PRUNE2: variants seen among roughly 807,000 people sequenced by gnomAD.
PRUNE2 encodes the protein protein prune homolog 2.
A neutral mutation model predicts 252.0 loss-of-function variants in PRUNE2; 164 were observed. That is an observed-to-expected ratio of 0.65 (90% CI 0.57 to 0.74). The LOEUF (loss-of-function observed/expected upper bound fraction) is 0.74, where lower values mean the gene tolerates loss of function less well. Ranked by LOEUF, PRUNE2 falls within the 30% of genes least tolerant of loss-of-function variation. PRUNE2 has a pLI of 0.00. For missense variants in PRUNE2, 3,495 were observed against 3,711.0 expected, an observed-to-expected ratio of 0.94 and a Z score of 1.51; for synonymous variants, 1,292 against 1,350.2, an observed-to-expected ratio of 0.96 and a Z score of 0.94.
Position 76,711,014 on chromosome 9 carries a change from A to G in PRUNE2, c.1260T>C (p.Asn420=), listed in dbSNP as rs1396997096. The G allele has an allele frequency of 4.3e-6, 7 of 1,613,916 alleles. No homozygotes were observed. The Admixed American group carries it at 8.3e-5, about 19-fold the overall frequency. The change falls in exon 8 of 19, where the codon AAT becomes AAC. Residue 420 remains asparagine (N), a synonymous_variant. Transcript: ENST00000376718. ...CGCTGTCTGGGCTAACAAGGTCTAC[A>G]TTGGCATCCACCTGAGCCTGGTTAG... The part of the protein sequence containing the change: ...NDSNQAQVDA[N]VDLVSPDSGL...
At chr9:76,860,210 T>A (rs1205362339) in intron 1 of PRUNE2, among the ~76,000 whole-genome samples, 1 of 152,244 alleles carries the variant, frequency 6.6e-6, no homozygotes, top group African/African-American at 2.4e-5. Context: ...ACTTAGGTTT[T>A]ACAATAGTGA....
chr9:76,893,346 T>C (rs1036387788), intron 1 of PRUNE2, among the ~76,000 whole-genome samples: 6 of 152,240 alleles, frequency 3.9e-5, no homozygotes, highest in African/African-American at 1.2e-4. Flanking sequence ...AACTCACAGT[T>C]ACACAACGAG....
intron 9 of PRUNE2, among the ~76,000 whole-genome samples, chr9:76,698,667 C>T (rs186795256): frequency 3.3e-5 from 5 of 152,082 alleles, no homozygotes; most frequent in African/African-American, 4.8e-5. Flanking sequence ...TCAACATTCA[C>T]GTGGATAAAA....
chr9:76,829,060 G>A (rs2132064264), intron 4 of PRUNE2, among the ~76,000 whole-genome samples: 1 of 151,420 alleles, frequency 6.6e-6, no homozygotes, highest in South Asian at 2.1e-4. Context: ...TAAGGCAATG[G>A]TAAATATGAA....
intron 6 of PRUNE2, among the ~76,000 whole-genome samples, chr9:76,729,280 ACACCTGGGCCC>A (rs2135389453): frequency 6.6e-6 from 1 of 152,126 alleles, no homozygotes; most frequent in East Asian, 1.9e-4. Context: ...AAAAATACGG[ACACCTGGGCCC>A]CACTTCTAGC....
intron 6 of PRUNE2, among the ~76,000 whole-genome samples, chr9:76,810,383 T>C (rs1379868856): frequency 1.3e-5 from 2 of 152,364 alleles, no homozygotes; most frequent in East Asian, 3.9e-4. Context: ...GCTACTATTA[T>C]GTTCATTTGC....
rs759647750 is a variant in PRUNE2, at chr9:76,708,887, G to A, written c.3387C>T (p.Ile1129=). ...AGTCCAAATCATTGTCCATATCTGA[G>A]ATCGTTGCAGTGGACTGAGTATCCT... ...ILEDTQSTAT[I]SDMDNDLDWD... is the part of the protein sequence containing the mutation. Residue 1129 remains isoleucine, a synonymous_variant, in exon 8 of 19, where the codon ATC becomes ATT. Coordinates refer to ENST00000376718, the MANE Select transcript of PRUNE2 (RefSeq NM_015225.3). The A allele has an allele frequency of 1.9e-5, 30 of 1,613,880 alleles. No homozygotes were observed. The highest frequency in any genetic ancestry group is 1.8e-4 in the Admixed American group (11 of 60,008).
intron 2 of PRUNE2, 69 bp from the exon 3 acceptor site, chr9:76,850,734 A>AG: frequency 8.5e-7 from 1 of 1,174,720 alleles, no homozygotes; most frequent in Non-Finnish European, 1.3e-6. Flanking sequence ...CATTTTCTCC[A>AG]GCCTGGGGGT....
intron 1 of PRUNE2, among the ~76,000 whole-genome samples, chr9:76,865,792 TC>T (rs1219769335): frequency 6.9e-6 from 1 of 143,916 alleles, no homozygotes; most frequent in African/African-American, 2.7e-5. Flanking sequence ...CCCTTCTTTC[TC>T]CCTCTCTCTC....
intron 6 of PRUNE2, among the ~76,000 whole-genome samples, chr9:76,718,547 C>G (rs1316873555): frequency 1.3e-5 from 2 of 152,200 alleles, no homozygotes; most frequent in African/African-American, 4.8e-5. Flanking sequence ...ATTCCTTCAC[C>G]TTCCTGACAC....
At chr9:76,838,337 T>C (rs2059179797) in intron 4 of PRUNE2, among the ~76,000 whole-genome samples, 1 of 151,946 alleles carries the variant, frequency 6.6e-6, no homozygotes, top group African/African-American at 2.4e-5. Flanking sequence ...ATGATGCCAT[T>C]TATATATCAT....
chr9:76,823,759 AT>A (rs760066078), intron 5 of PRUNE2, 33 bp from the exon 6 acceptor site: 1 of 1,331,958 alleles, frequency 7.5e-7, no homozygotes, highest in Admixed American at 1.9e-5. Flanking sequence ...ACATTATGTT[AT>A]ACTTGAGGGA....
At position 76,658,361 on chromosome 9, in the gene PRUNE2, T is replaced by TC. The variant is rs1159460017; in HGVS notation, c.8277-2860dup. 2.0e-5 allele frequency among the ~76,000 whole-genome samples: 3 copies of TC among 151,108 alleles called. 1 individual carries two copies. Among genetic ancestry groups the TC allele is most frequent in the Admixed American group, 2.0e-4 (3 of 15,124 alleles). On this transcript the variant is annotated intron_variant, in intron 9 of 18. Transcript: ENST00000376718. ...CAAAAAGAGCAAAACTCCGTCCCAC[T>TC]CCCCCCCAAAAAGAAGGCTATAGGG...
chr9:76,794,247 C>A (rs1318237883), intron 6 of PRUNE2, among the ~76,000 whole-genome samples: 1 of 152,128 alleles, frequency 6.6e-6, no homozygotes, highest in Admixed American at 6.5e-5. Context: ...TGGCAAATGG[C>A]GGAACCAGGA....
At chr9:76,642,024 AAAAAG>A (rs1287498230) in intron 12 of PRUNE2, 4 of 1,280,202 alleles carry the variant, frequency 3.1e-6, no homozygotes, top group African/African-American at 3.0e-5. Context: ...AAAAGAAAAG[AAAAAG>A]AAAAGAAACT....
At chr9:76,855,435 TAAAA>T (rs113081872) in intron 1 of PRUNE2, among the ~76,000 whole-genome samples, 1 of 139,974 alleles carries the variant, frequency 7.1e-6, no homozygotes, top group Non-Finnish European at 1.5e-5. Flanking sequence ...CTATTTTAAT[TAAAA>T]AAAAAAGTGT....
At chr9:76,617,890 G>T (rs1456393102) in intron 18 of PRUNE2, among the ~76,000 whole-genome samples, 1 of 152,176 alleles carries the variant, frequency 6.6e-6, no homozygotes, top group Non-Finnish European at 1.5e-5. Flanking sequence ...TTAACTGTGG[G>T]CTCTGTTAAC....
Position 76,705,667 on chromosome 9 carries a change from A to C in PRUNE2, c.6607T>G (p.Leu2203Val). The change falls in exon 8 of 19, where the codon TTA (leucine) becomes GTA (valine). Residue 2203 changes from leucine (L) to valine (V), a missense_variant. By Grantham distance (32) the Leu-to-Val change is conservative. Coordinates refer to ENST00000376718, the MANE Select transcript of PRUNE2 (RefSeq NM_015225.3). ...CTGGCTCCTTTTTCTGATACTTGTA[A>C]ACCTGTACTGTTGTCACCGTTTATT... is the stretch of plus-strand genomic sequence containing the variant. ...SEINGDNSTGLQVSEKGASPD... is the reference protein window; with the variant it reads ...SEINGDNSTGVQVSEKGASPD... 6.2e-7 allele frequency: 1 copy of C among 1,614,020 alleles called. No homozygotes were observed. The highest frequency in any genetic ancestry group is 8.5e-7 in the Non-Finnish European group (1 of 1,179,890).
In PRUNE2 at chr9:76,706,723, A is replaced by G. The variant is rs1467640509; in HGVS notation, c.5551T>C (p.Ser1851Pro). 6.2e-7 allele frequency: 1 copy of G among 1,613,238 alleles called. No homozygotes were observed. The highest frequency in any genetic ancestry group is 8.5e-7 in the Non-Finnish European group (1 of 1,179,558). ...GAATTTATCTCCAACACACCACTGG[A>G]GTCAGACAGCTCCCTTTCAAATGGA... ...ESPFERELSD[S>P]SGVLEINSSV... The change falls in exon 8 of 19, where the codon TCC becomes CCC. Residue 1851 changes from serine (S) to proline (P), a missense_variant. Physicochemically the swap from Ser to Pro is moderately conservative, Grantham distance 74. Transcript: ENST00000376718.
Sources: gnomAD v4.1 joint callset for allele counts (sites outside exome capture counted in the v4.1 genomes callset) on GRCh38, gnomAD v4.1.1 for gene constraint, MANE v1.5 for transcripts, NCBI Gene and HGNC (gene_info 2026-07-23, HGNC 2026-07-21) for gene names.